ZBTB38: variants seen among roughly 807,000 people sequenced by gnomAD.
The protein encoded by ZBTB38 is zinc finger and BTB domain-containing protein 38.
Under a neutral mutation model 76.8 loss-of-function variants are expected in ZBTB38, and 20 were observed. The observed-to-expected ratio is 0.26, with a 90% CI of 0.18 to 0.38. ZBTB38 has a LOEUF of 0.38. Ranked by LOEUF, ZBTB38 falls within the 10% of genes least tolerant of loss-of-function variation. ZBTB38 has a pLI of 1.00. For synonymous variants in ZBTB38, 504 were observed against 544.2 expected (o/e 0.93, Z 1.03); for missense variants, 1,082 against 1,482.3 (o/e 0.73, Z 4.43).
intron 4 of ZBTB38, among the ~76,000 whole-genome samples, chr3:141,398,735 T>C (rs954811400): frequency 5.3e-5 from 8 of 152,190 alleles, no homozygotes; most frequent in Admixed American, 1.3e-4. Flanking sequence ...TTTTAAAATA[T>C]ATTTTTTAAA....
In ZBTB38 at chr3:141,444,637, G is replaced by A. The variant is rs754646197; in HGVS notation, c.2249G>A (p.Ser750Asn). Residue 750 changes from serine to asparagine, a missense_variant, in exon 6 of 6, where the codon AGT (serine) becomes AAT (asparagine). By Grantham distance (46) the Ser-to-Asn change is conservative. Coordinates refer to ENST00000321464, the MANE Select transcript of ZBTB38 (RefSeq NM_001376113.1). The surrounding 1 kb of genome is among the most constrained non-coding windows in gnomAD (Gnocchi z 5.1). Reference protein sequence around the residue: ...NHRAFSDPAVSQSLKDDSKPE... With the variant: ...NHRAFSDPAVNQSLKDDSKPE... Reference sequence around the variant, plus strand: ...AGAGCCTTTTCAGACCCAGCTGTCAGTCAGTCCCTGAAAGATGACAGTAAG... The same window carrying A: ...AGAGCCTTTTCAGACCCAGCTGTCAATCAGTCCCTGAAAGATGACAGTAAG... 6.2e-6 allele frequency: 10 copies of A among 1,614,162 alleles called. 1 individual carries two copies. The South Asian group carries it at 1.1e-4, about 18-fold the overall frequency.
upstream of ZBTB38, among the ~76,000 whole-genome samples, chr3:141,364,815 T>G (rs1175790805): frequency 1.3e-5 from 2 of 151,876 alleles, no homozygotes; most frequent in African/African-American, 4.8e-5. Context: ...AGTCATTTGT[T>G]AAATGCAGTT....
chr3:141,408,005 T>C (rs1955231219), intron 5 of ZBTB38, among the ~76,000 whole-genome samples: 1 of 152,192 alleles, frequency 6.6e-6, no homozygotes, highest in Non-Finnish European at 1.5e-5. Context: ...ACCAGTTTCT[T>C]TTTCTGGGGA....
At chr3:141,433,326 G>GT (rs61237374) in intron 5 of ZBTB38, among the ~76,000 whole-genome samples, 20,807 of 147,254 alleles carry the variant, frequency 0.14, 2,640 homozygotes, top group African/African-American at 0.34. Context: ...CTTTTGTTTT[G>GT]TTTTTTTTTG....
At chr3:141,373,849 G>T (rs1050624738) in intron 2 of ZBTB38, among the ~76,000 whole-genome samples, 5 of 152,176 alleles carry the variant, frequency 3.3e-5, no homozygotes, top group African/African-American at 9.7e-5. Context: ...GCTGATAAAG[G>T]CCGGGAGTGG....
chr3:141,424,171 A>G lies in ZBTB38; in HGVS notation c.1-18218A>G, dbSNP rs145996297. Among the ~76,000 whole-genome samples, 479 of 152,332 alleles carry G rather than the reference A, an allele frequency of 3.1e-3. 4 individuals are homozygous for G. The highest frequency in any genetic ancestry group is 0.016 in the Admixed American group (243 of 15,304). ...ATCTTAAACACCTTCCTTTCTACCAAGCTTTTTACTGGAACAGGTAATAAA... is the reference window on the plus strand; with the variant it reads ...ATCTTAAACACCTTCCTTTCTACCAGGCTTTTTACTGGAACAGGTAATAAA... On this transcript the variant is annotated intron_variant, in intron 5 of 5. Transcript: ENST00000321464.
At chr3:141,359,131 C>T (rs59876827) in intron 1 of ZBTB38, among the ~76,000 whole-genome samples, 13,438 of 152,208 alleles carry the variant, frequency 0.088, 2,006 homozygotes, top group African/African-American at 0.31. Flanking sequence ...CTCGAGTTGG[C>T]CCAGGACTTA....
At chr3:141,410,034 C>G (rs918357912) in intron 5 of ZBTB38, among the ~76,000 whole-genome samples, 1 of 152,180 alleles carries the variant, frequency 6.6e-6, no homozygotes, top group Admixed American at 6.5e-5. Flanking sequence ...TCACCTATAA[C>G]CAAAGAAGGT....
chr3:141,422,218 C>T (rs1379823211), intron 5 of ZBTB38, among the ~76,000 whole-genome samples: 2 of 152,168 alleles, frequency 1.3e-5, no homozygotes, highest in East Asian at 3.9e-4. Flanking sequence ...ACTGGGCTAC[C>T]GTTCACTCAG....
intron 5 of ZBTB38, among the ~76,000 whole-genome samples, chr3:141,409,272 C>T (rs1955805698): frequency 6.6e-6 from 1 of 152,124 alleles, no homozygotes; most frequent in Non-Finnish European, 1.5e-5. Context: ...TCTCAAACTC[C>T]TGACCTCAGG....
At chr3:141,395,449 G>C (rs1484255623) in intron 4 of ZBTB38, among the ~76,000 whole-genome samples, 1 of 152,122 alleles carries the variant, frequency 6.6e-6, no homozygotes. Flanking sequence ...GGGGCTTAGT[G>C]CAGGAGCCAG....
chr3:141,426,750 G>T (rs2076475045), intron 5 of ZBTB38, among the ~76,000 whole-genome samples: 1 of 152,130 alleles, frequency 6.6e-6, no homozygotes, highest in African/African-American at 2.4e-5. Flanking sequence ...CAAGACAAAG[G>T]CCAAATTCCT....
intron 3 of ZBTB38, among the ~76,000 whole-genome samples, chr3:141,383,888 G>A (rs1373204875): frequency 6.6e-6 from 1 of 152,220 alleles, no homozygotes; most frequent in Admixed American, 6.5e-5. Context: ...TTGTGCACAT[G>A]CCCCGAGGAG....
chr3:141,413,516 A>C lies in ZBTB38; in HGVS notation c.-1+9485A>C, dbSNP rs537531096. On this transcript the variant is annotated intron_variant, in intron 5 of 5. Transcript: ENST00000321464. This position sits in a 1 kb window ranked among gnomAD's most constrained non-coding sequence, Gnocchi z 4.1. ...GGATGGTCCAGGCCCTATTTCTATG[A>C]TCTGTTTTTTGGAACTGTTGTATTT... Among the ~76,000 whole-genome samples the C allele has an allele frequency of 4.6e-5, 7 of 152,102 alleles. No homozygotes were observed. Among genetic ancestry groups the C allele is most frequent in the South Asian group, 2.1e-4 (1 of 4,816 alleles).
At chr3:141,407,346 C>T (rs1482831320) in intron 5 of ZBTB38, among the ~76,000 whole-genome samples, 1 of 152,178 alleles carries the variant, frequency 6.6e-6, no homozygotes, top group East Asian at 1.9e-4. Flanking sequence ...AAGAGTTTCT[C>T]TCTAAGCCTG....
chr3:141,335,196 G>A (rs572417285), intron 1 of ZBTB38, among the ~76,000 whole-genome samples: 14 of 152,302 alleles, frequency 9.2e-5, no homozygotes, highest in South Asian at 2.1e-4. Flanking sequence ...AGTGTCCCTC[G>A]TGCATAAACT....
chr3:141,358,368 G>A (rs1277898893), intron 1 of ZBTB38, among the ~76,000 whole-genome samples: 1 of 152,192 alleles, frequency 6.6e-6, no homozygotes, highest in Non-Finnish European at 1.5e-5. Context: ...TTGTGTGTCT[G>A]GAAGCCTTGC....
At chr3:141,435,332 A>G (rs1183167406) in intron 5 of ZBTB38, among the ~76,000 whole-genome samples, 1 of 152,140 alleles carries the variant, frequency 6.6e-6, no homozygotes, top group African/African-American at 2.4e-5. Context: ...ATGCTGAATT[A>G]TATGTTCATC....
intron 5 of ZBTB38, among the ~76,000 whole-genome samples, chr3:141,424,636 A>ATGTGTGTGTGTGCGTG (rs1577317144): frequency 6.7e-6 from 1 of 148,624 alleles, no homozygotes; most frequent in East Asian, 2.0e-4. Flanking sequence ...AAATGCCTGT[A>ATGTGTGTGTGTGCGTG]TGTGTGTGTG....
Sources: gnomAD v4.1 joint callset for allele counts (sites outside exome capture counted in the v4.1 genomes callset) on GRCh38, gnomAD v4.1.1 for gene constraint, Gnocchi (gnomAD v3.1) non-coding constraint, MANE v1.5 for transcripts, NCBI Gene and HGNC (gene_info 2026-07-23, HGNC 2026-07-21) for gene names.